TNN: variants seen among roughly 807,000 people sequenced by gnomAD.
TNN encodes the protein tenascin N.
TNN carries 122 observed loss-of-function variants against 134.4 expected under a neutral mutation model. That is an observed-to-expected ratio of 0.91 (90% CI 0.78 to 1.06). The LOEUF (loss-of-function observed/expected upper bound fraction) is 1.06. Ranked by LOEUF, TNN falls within the 50% of genes least tolerant of loss-of-function variation. The pLI is 0.00. For missense variants in TNN, 1,739 were observed against 1,699.4 expected (o/e 1.02, Z -0.41); for synonymous variants, 710 against 670.3 (o/e 1.06, Z -0.91).
rs536479978 is a variant in TNN, at chr1:175,144,335, T to C, written c.3596-52T>C. On this transcript the variant is annotated intron_variant, in intron 17 of 18. Transcript: ENST00000239462. Reference sequence around the variant, plus strand: ...TTCCTGCTGGGTCCTCTTTTGATCATCTCCTCGGTGGCTAACCCTGGGCTC... The same window carrying C: ...TTCCTGCTGGGTCCTCTTTTGATCACCTCCTCGGTGGCTAACCCTGGGCTC... The C allele has an allele frequency of 4.7e-5, 74 of 1,568,110 alleles. 3 individuals are homozygous for C. The South Asian group carries it at 8.1e-4, about 17-fold the overall frequency.
At chr1:175,133,645 C>T (rs17374873) in intron 15 of TNN, among the ~76,000 whole-genome samples, 3,096 of 152,292 alleles carry the variant, frequency 0.02, 48 homozygotes, top group Non-Finnish European at 0.032. Flanking sequence ...TTCTAGGCCA[C>T]TTTATCTTTT....
chr1:175,091,144 A>G (rs1674435938), intron 6 of TNN, among the ~76,000 whole-genome samples: 1 of 152,248 alleles, frequency 6.6e-6, no homozygotes, highest in Non-Finnish European at 1.5e-5. Flanking sequence ...CCCATCTCTG[A>G]GGCCTTCCTC....
chr1:175,101,310 G>C (rs930723225), intron 9 of TNN, among the ~76,000 whole-genome samples: 2 of 152,030 alleles, frequency 1.3e-5, no homozygotes, highest in Non-Finnish European at 2.9e-5. Flanking sequence ...CAGCGCGTCT[G>C]GAGTTGTTGG....
chr1:175,135,797 C>A, intron 15 of TNN, 48 bp from the exon 16 acceptor site: 1 of 1,461,002 alleles, frequency 6.8e-7, no homozygotes, highest in Middle Eastern at 1.7e-4. Context: ...CTCCCAGCAC[C>A]TATGTCTGTT....
intron 8 of TNN, 29 bp downstream of exon 8, chr1:175,097,712 T>C: frequency 1.2e-6 from 2 of 1,613,326 alleles, no homozygotes; most frequent in South Asian, 2.2e-5. Context: ...TCAATTGGAA[T>C]TGAGTTTTAG....
At chr1:175,089,679 T>C (rs1017284756) in intron 6 of TNN, among the ~76,000 whole-genome samples, 1 of 152,236 alleles carries the variant, frequency 6.6e-6, no homozygotes, top group African/African-American at 2.4e-5. Flanking sequence ...GCTTCATGCT[T>C]TTCCCTGGTG....
chr1:175,128,099 C>G lies in TNN; in HGVS notation c.3113C>G (p.Pro1038Arg). The G allele has an allele frequency of 1.2e-6, 2 of 1,614,028 alleles. No homozygotes were observed. Among genetic ancestry groups the G allele is most frequent in the Non-Finnish European group, 1.7e-6 (2 of 1,179,928 alleles). Residue 1038 changes from proline to arginine, a missense_variant, in exon 14 of 19, where the codon CCT becomes CGT. Transcript: ENST00000239462. ...LQGLEQGATY[P>R]VSLVAFKGGR... is the part of the protein sequence containing the mutation. ...GGCCTTGAGCAAGGCGCCACCTACC[C>G]TGTCTCCCTTGTTGCCTTTAAGGGT...
At chr1:175,099,518 T>C (rs142155586) in intron 9 of TNN, among the ~76,000 whole-genome samples, 13 of 140,154 alleles carry the variant, frequency 9.3e-5, no homozygotes, top group Admixed American at 7.1e-4. Context: ...AAGTGAGGGG[T>C]TGGGAAGAGG....
chr1:175,071,023 A>C (rs1279809874), intron 1 of TNN, among the ~76,000 whole-genome samples: 1 of 152,192 alleles, frequency 6.6e-6, no homozygotes, highest in Non-Finnish European at 1.5e-5. Flanking sequence ...ATTTTCCTTC[A>C]TAGTTTAATG....
chr1:175,106,896 C>T lies in TNN; in HGVS notation c.2119+8301C>T, dbSNP rs906341573. On this transcript the variant is annotated intron_variant, in intron 9 of 18. Coordinates refer to ENST00000239462, the MANE Select transcript of TNN (RefSeq NM_022093.2). ...GCCCTTTCCCAGAAAGCTTGACACCCGTGTCTTTAGTCCGGCGGCCCGCTA... is the reference window on the plus strand; with the variant it reads ...GCCCTTTCCCAGAAAGCTTGACACCTGTGTCTTTAGTCCGGCGGCCCGCTA... Among the ~76,000 whole-genome samples the T allele has an allele frequency of 8.9e-5, 13 of 145,978 alleles. 2 individuals carry two copies. The highest frequency in any genetic ancestry group is 2.3e-4 in the East Asian group (1 of 4,350).
At position 175,147,124 on chromosome 1, in the gene TNN, G is replaced by A. The variant is rs1676090421; in HGVS notation, c.*53G>A. 7.0e-7 allele frequency: 1 copy of A among 1,438,796 alleles called. No homozygotes were observed. The highest frequency in any genetic ancestry group is 1.4e-5 in the African/African-American group (1 of 70,296). The allele number at this position is 1,438,796 out of a possible 1,614,324, so 89.1% of individuals were successfully genotyped here. A position where few individuals can be genotyped will look rare whatever the true frequency, so the allele number is the denominator to read the frequency against. ...GACACCACCAGCTGTGGCAGCTTGGGGCGGGGTGGGTAGTGGTCACTGCGG... is the reference window on the plus strand; with the variant it reads ...GACACCACCAGCTGTGGCAGCTTGGAGCGGGGTGGGTAGTGGTCACTGCGG... On this transcript the variant is annotated 3_prime_UTR_variant, in exon 19 of 19. Transcript: ENST00000239462.
intron 1 of TNN, among the ~76,000 whole-genome samples, chr1:175,076,775 C>T (rs920381008): frequency 5.3e-5 from 8 of 152,128 alleles, no homozygotes; most frequent in African/African-American, 1.4e-4. Flanking sequence ...TGAGCATGGA[C>T]TCTGGGGTCA....
chr1:175,095,985 G>A (rs1674560596), intron 7 of TNN, among the ~76,000 whole-genome samples: 1 of 152,266 alleles, frequency 6.6e-6, no homozygotes, highest in African/African-American at 2.4e-5. Context: ...CTGGGAAGGG[G>A]TCAGACCAGA....
At chr1:175,125,715 T>G (rs1223865699) in intron 12 of TNN, among the ~76,000 whole-genome samples, 1 of 61,756 alleles carries the variant, frequency 1.6e-5, no homozygotes, top group Admixed American at 1.5e-4. Context: ...CTTTCTTTCT[T>G]TCTTTCTTTC....
chr1:175,084,595 C>T (rs1042166049), intron 5 of TNN, among the ~76,000 whole-genome samples: 8 of 152,248 alleles, frequency 5.3e-5, no homozygotes, highest in South Asian at 2.1e-4. Flanking sequence ...GGAATGGGCC[C>T]GTGAAAGTGT....
At chr1:175,103,595 C>T (rs769210430) in intron 9 of TNN, among the ~76,000 whole-genome samples, 4 of 144,984 alleles carry the variant, frequency 2.8e-5, no homozygotes, top group African/African-American at 5.0e-5. Flanking sequence ...TTCTATCTCT[C>T]TCTTTCTCTC....
intron 1 of TNN, among the ~76,000 whole-genome samples, chr1:175,074,555 C>G (rs1217414087): frequency 1.4e-5 from 2 of 148,128 alleles, no homozygotes; most frequent in Non-Finnish European, 3.0e-5. Context: ...CACAAGACAA[C>G]AAGAAGTGTC....
At position 175,120,496 on chromosome 1, in the gene TNN, A is replaced by C. The variant is rs138000025; in HGVS notation, c.2650+1672A>C. On this transcript the variant is annotated intron_variant, in intron 11 of 18. Transcript: ENST00000239462. ...GATACGGTAGCTCCTCGTCCAGGAGACCCAGGCTTCTTCTGTGATTGTTGC... is the reference window on the plus strand; with the variant it reads ...GATACGGTAGCTCCTCGTCCAGGAGCCCCAGGCTTCTTCTGTGATTGTTGC... Among the ~76,000 whole-genome samples the C allele has an allele frequency of 4.6e-5, 7 of 152,250 alleles. No individual in the cohort carries two copies. In the South Asian group the frequency reaches 6.2e-4, roughly 14 times the overall value.
At chr1:175,135,235 A>C (rs1675768401) in intron 15 of TNN, among the ~76,000 whole-genome samples, 1 of 152,154 alleles carries the variant, frequency 6.6e-6, no homozygotes, top group Admixed American at 6.5e-5. Context: ...TTAATTTAGT[A>C]ATTTTATTTA....
Sources: gnomAD v4.1 joint callset for allele counts (sites outside exome capture counted in the v4.1 genomes callset) on GRCh38, gnomAD v4.1.1 for gene constraint, MANE v1.5 for transcripts, NCBI Gene and HGNC (gene_info 2026-07-23, HGNC 2026-07-21) for gene names.